The following PKN2 variants were observed in gnomAD, a reference collection of about 807,000 sequenced individuals.
PKN2 encodes the protein protein kinase N2.
Under a neutral mutation model 119.1 loss-of-function variants are expected in PKN2, and 38 were observed. That is an observed-to-expected ratio of 0.32 (90% confidence interval 0.25 to 0.42). The LOEUF (loss-of-function observed/expected upper bound fraction) is 0.42. PKN2 is among the 10% of genes least tolerant of loss of function. The pLI is 1.00. For missense variants in PKN2, 850 were observed against 1,165.1 expected, an observed-to-expected ratio of 0.73 and a Z score of 3.94; for synonymous variants, 390 against 384.9, an observed-to-expected ratio of 1.01 and a Z score of -0.15.
chr1:88,782,737 G>C (rs57572913), intron 6 of PKN2, among the ~76,000 whole-genome samples: 97 of 151,936 alleles, frequency 6.4e-4, no homozygotes, highest in African/African-American at 2.2e-3. Context: ...CTGTTTTGAT[G>C]TCCTTGCCTT....
intron 1 of PKN2, among the ~76,000 whole-genome samples, chr1:88,715,126 G>A (rs1286528009): frequency 6.6e-6 from 1 of 152,282 alleles, no homozygotes; most frequent in South Asian, 2.1e-4. Context: ...ATGAAGCCAA[G>A]TTGATCTTGG....
At chr1:88,729,732 G>A (rs913446250) in intron 1 of PKN2, among the ~76,000 whole-genome samples, 5 of 152,146 alleles carry the variant, frequency 3.3e-5, no homozygotes, top group African/African-American at 2.4e-5. Flanking sequence ...AGTCCATGTG[G>A]AAGGGTGTGA....
intron 8 of PKN2, among the ~76,000 whole-genome samples, chr1:88,801,121 C>T (rs887274362): frequency 3.3e-5 from 5 of 152,124 alleles, no homozygotes; most frequent in Non-Finnish European, 7.4e-5. Flanking sequence ...CAGTGGCTCA[C>T]GACTGTAATC....
chr1:88,737,385 G>A (rs989277418), intron 1 of PKN2, among the ~76,000 whole-genome samples: 4 of 151,802 alleles, frequency 2.6e-5, no homozygotes, highest in African/African-American at 9.7e-5. Context: ...CCAGTGTGGA[G>A]TCTTACCATG....
chr1:88,822,720 A>G (rs1472116769), intron 17 of PKN2, among the ~76,000 whole-genome samples: 5 of 151,824 alleles, frequency 3.3e-5, no homozygotes, highest in Non-Finnish European at 7.4e-5. Flanking sequence ...ATGGAATTAC[A>G]GGTGCCCGCC....
At chr1:88,710,303 T>A (rs1667175779) in intron 1 of PKN2, among the ~76,000 whole-genome samples, 1 of 152,212 alleles carries the variant, frequency 6.6e-6, no homozygotes, top group African/African-American at 2.4e-5. Flanking sequence ...TTAAGATCTG[T>A]TAGAAAAGAG....
intron 1 of PKN2, among the ~76,000 whole-genome samples, chr1:88,700,145 C>G (rs1666719758): frequency 1.3e-5 from 2 of 151,982 alleles, no homozygotes; most frequent in African/African-American, 4.8e-5. Context: ...ATTATCTAGT[C>G]TGCCATTGAT....
intron 2 of PKN2, among the ~76,000 whole-genome samples, chr1:88,744,268 T>C (rs1044799076): frequency 2.6e-5 from 4 of 152,182 alleles, no homozygotes; most frequent in Non-Finnish European, 5.9e-5. Flanking sequence ...TTCTGAAAGG[T>C]ATGAGTGGAT....
chr1:88,778,908 G>A (rs895788194), intron 6 of PKN2, among the ~76,000 whole-genome samples: 4 of 151,914 alleles, frequency 2.6e-5, no homozygotes, highest in African/African-American at 9.7e-5. Flanking sequence ...AGAGACGGGG[G>A]TGGGGGCGGT....
intron 15 of PKN2, among the ~76,000 whole-genome samples, chr1:88,810,773 A>AT (rs1327713456): frequency 6.6e-6 from 1 of 151,294 alleles, no homozygotes; most frequent in Non-Finnish European, 1.5e-5. Flanking sequence ...TGCCCAGTTC[A>AT]TTTTTGTATT....
chr1:88,781,567 A>G (rs1421023393), intron 6 of PKN2, among the ~76,000 whole-genome samples: 1 of 152,064 alleles, frequency 6.6e-6, no homozygotes, highest in Non-Finnish European at 1.5e-5. Context: ...TGCTTTATGA[A>G]TGTAGTTTTA....
At chr1:88,779,139 C>T (rs1444390810) in intron 6 of PKN2, among the ~76,000 whole-genome samples, 1 of 152,214 alleles carries the variant, frequency 6.6e-6, no homozygotes, top group Non-Finnish European at 1.5e-5. Flanking sequence ...CTTCTCTGCT[C>T]CCTCCTTACA....
At chr1:88,805,049 A>G in intron 10 of PKN2, 128 bp downstream of exon 10, 1 of 556,738 alleles carries the variant, frequency 1.8e-6, no homozygotes, top group Non-Finnish European at 3.2e-6. Context: ...CTAACTTCTT[A>G]TTAAGGAATA....
intron 8 of PKN2, among the ~76,000 whole-genome samples, chr1:88,800,922 T>C (rs937308809): frequency 1.3e-5 from 2 of 152,226 alleles, no homozygotes; most frequent in African/African-American, 4.8e-5. Flanking sequence ...GGACAGTACC[T>C]ATCTCAACTT....
At chr1:88,805,016 T>G in intron 10 of PKN2, 95 bp downstream of exon 10, 1 of 614,792 alleles carries the variant, frequency 1.6e-6, no homozygotes, top group Admixed American at 3.3e-5. Context: ...TGGGTTTTTT[T>G]GTTGTTGTTT....
chr1:88,712,222 T>A (rs901180103), intron 1 of PKN2, among the ~76,000 whole-genome samples: 1 of 152,150 alleles, frequency 6.6e-6, no homozygotes, highest in South Asian at 2.1e-4. Context: ...CACCAACTTA[T>A]GGAAAGAGTA....
intron 17 of PKN2, among the ~76,000 whole-genome samples, chr1:88,822,309 A>G (rs946461895): frequency 6.6e-6 from 1 of 152,186 alleles, no homozygotes; most frequent in African/African-American, 2.4e-5. Context: ...CATTGCAGAA[A>G]ACCTCTATAG....
chr1:88,743,107 T>C (rs1298885738), intron 2 of PKN2, among the ~76,000 whole-genome samples: 5 of 152,192 alleles, frequency 3.3e-5, no homozygotes, highest in Admixed American at 6.5e-5. Context: ...TGAAAATTGC[T>C]TAAACCCAGG....
At chr1:88,706,792 T>C (rs1667021711) in intron 1 of PKN2, among the ~76,000 whole-genome samples, 1 of 152,158 alleles carries the variant, frequency 6.6e-6, no homozygotes, top group East Asian at 1.9e-4. Context: ...TTTCATTCAG[T>C]TCAGAATATG....
Sources: allele counts gnomAD v4.1 joint callset (sites outside exome capture counted in the v4.1 genomes callset), GRCh38; gene constraint gnomAD v4.1.1; transcripts MANE v1.5; gene names NCBI Gene and HGNC (gene_info 2026-07-23, HGNC 2026-07-21).